The following MDM2 variants were observed in gnomAD, a reference collection of about 807,000 sequenced individuals.
MDM2 encodes the protein MDM2 proto-oncogene, also known as E3 ubiquitin-protein ligase Mdm2.
In MDM2, 11 loss-of-function variants were observed where a neutral mutation model predicts 64.3. The ratio of observed to expected loss-of-function variants is 0.17; its 90% CI spans 0.11 to 0.28. The LOEUF (loss-of-function observed/expected upper bound fraction) is 0.28, where lower values mean the gene tolerates loss of function less well. Among genes scored for constraint, MDM2 ranks in the 10% least tolerant of loss-of-function variants. MDM2 has a pLI of 1.00. For missense variants in MDM2, 388 were observed against 577.1 expected, an observed-to-expected ratio of 0.67 and a Z score of 3.36; for synonymous variants, 194 against 192.9, an observed-to-expected ratio of 1.01 and a Z score of -0.05.
intron 8 of MDM2, among the ~76,000 whole-genome samples, chr12:68,832,509 A>T (rs143203577): frequency 1.4e-3 from 213 of 152,148 alleles, no homozygotes; most frequent in Non-Finnish European, 2.4e-3. Flanking sequence ...TGCTTAAAAA[A>T]ATATATATTT....
At position 68,840,284 on chromosome 12, in the gene MDM2, A is replaced by G. The variant is rs1051177607; in HGVS notation, c.*435A>G. 11 of 178,788 alleles carry G rather than the reference A, an allele frequency of 6.2e-5. No individual in the cohort carries two copies. The highest frequency in any genetic ancestry group is 1.2e-4 in the Non-Finnish European group (10 of 84,696). 11.1% of individuals were successfully genotyped at this position (178,788 alleles called of 1,614,324 possible). A position where few individuals can be genotyped will look rare whatever the true frequency, so the allele number is the denominator to read the frequency against. On this transcript the variant is annotated 3_prime_UTR_variant, in exon 11 of 11. Coordinates refer to ENST00000258149, the MANE Select transcript of MDM2 (RefSeq NM_002392.6). ...CTCAGCCTCCCAATTAGCTTGGCCT[A>G]CAGTCATCTGCCACCACACCTGGCT...
Position 68,840,754 on chromosome 12 carries a change from G to A in MDM2, c.*905G>A, listed in dbSNP as rs1402974618. The A allele has an allele frequency of 3.2e-5, 5 of 158,332 alleles. No homozygotes were observed. The highest frequency in any genetic ancestry group is 1.4e-4 in the Admixed American group (2 of 14,744). 9.8% of individuals were successfully genotyped at this position (158,332 alleles called of 1,614,324 possible). ...CTCCTGACCTCAAGTGAGGTCACCC[G>A]CCTCGGCCTCCCGAAGTGCTGGGAT... On this transcript the variant is annotated 3_prime_UTR_variant, in exon 11 of 11. Transcript: ENST00000258149.
intron 1 of MDM2, 80 bp from the exon 2 acceptor site, chr12:68,809,128 T>G (rs1432890283): frequency 6.3e-7 from 1 of 1,578,642 alleles, no homozygotes; most frequent in African/African-American, 1.4e-5. Context: ...TAACTGTTGT[T>G]TATGTTCTTT....
In MDM2 at chr12:68,816,797, A is replaced by G. The variant is rs748461643; in HGVS notation, c.175-15A>G. 5 of 1,565,556 alleles carry G rather than the reference A, an allele frequency of 3.2e-6. No homozygotes were observed. The highest frequency in any genetic ancestry group is 2.6e-6 in the Non-Finnish European group (3 of 1,157,524). On this transcript the variant is annotated splice_polypyrimidine_tract_variant and intron_variant, in intron 3 of 10. Transcript: ENST00000258149. ...TAGTTTTCTTTAATGCTCAGAAATC[A>G]TATTTGTATTTCAGGTTCTTTTTTA...
In MDM2 at chr12:68,841,100, C is replaced by G. The variant is rs1348104158; in HGVS notation, c.*1251C>G. On this transcript the variant is annotated 3_prime_UTR_variant, in exon 11 of 11. Transcript: ENST00000258149. ...AACTCAAGTGATCTACTCACCTCAG[C>G]CTCCCAAAATGCTGGGATTACAGAT... is the stretch of plus-strand genomic sequence containing the variant. The G allele has an allele frequency of 5.3e-6, 1 of 188,424 alleles. No homozygotes were observed. Among genetic ancestry groups the G allele is most frequent in the Non-Finnish European group, 1.1e-5 (1 of 89,638 alleles). 11.7% of individuals were successfully genotyped at this position (188,424 alleles called of 1,614,324 possible).
intron 5 of MDM2, 34 bp downstream of exon 5, chr12:68,820,408 AT>A: frequency 6.5e-7 from 1 of 1,533,958 alleles, no homozygotes; most frequent in South Asian, 1.2e-5. Flanking sequence ...GATAAATACC[AT>A]AAAAACGTTT....
chr12:68,842,276 C>T lies in MDM2; in HGVS notation c.*2427C>T, dbSNP rs1203808428. 8.1e-6 allele frequency: 4 copies of T among 496,582 alleles called. No individual in the cohort carries two copies. Among genetic ancestry groups the T allele is most frequent in the East Asian group, 9.4e-5 (2 of 21,374 alleles). The allele number at this position is 496,582 out of a possible 1,614,324, so 30.8% of individuals were successfully genotyped here. A position where few individuals can be genotyped will look rare whatever the true frequency, so the allele number is the denominator to read the frequency against. The stretch of plus-strand genomic sequence containing the variant: ...AAGGACTACGGAAAGTTCAGGACAT[C>T]AAAGAAGTCAGGCAAAACTCATCTT... On this transcript the variant is annotated 3_prime_UTR_variant, in exon 11 of 11. Coordinates refer to ENST00000258149, the MANE Select transcript of MDM2 (RefSeq NM_002392.6).
intron 5 of MDM2, among the ~76,000 whole-genome samples, chr12:68,820,676 A>AT (rs915694512): frequency 1.3e-5 from 2 of 152,330 alleles, no homozygotes; most frequent in Admixed American, 1.3e-4. Flanking sequence ...TTGAAAATGT[A>AT]TTGAAAGGCT....
chr12:68,836,815 C>T, intron 10 of MDM2, 66 bp downstream of exon 10: 1 of 948,468 alleles, frequency 1.1e-6, no homozygotes, highest in South Asian at 1.4e-5. Flanking sequence ...GAGACTATAT[C>T]TAGCTTCTTT....
Position 68,835,989 on chromosome 12 carries a change from T to C in MDM2, c.840+5T>C. The C allele has an allele frequency of 7.5e-6, 12 of 1,591,330 alleles. No individual in the cohort carries two copies. Among genetic ancestry groups the C allele is most frequent in the Non-Finnish European group, 1.0e-5 (12 of 1,169,524 alleles). ...CTCTCAGATGAAGATGATGAGGTAG[T>C]ATTTTTTTTCCCCTCTAATTATATT... On this transcript the variant is annotated splice_donor_5th_base_variant and intron_variant, in intron 9 of 10. Coordinates refer to ENST00000258149, the MANE Select transcript of MDM2 (RefSeq NM_002392.6).
chr12:68,818,513 T>G (rs1219867311), intron 4 of MDM2, among the ~76,000 whole-genome samples: 2 of 148,814 alleles, frequency 1.3e-5, no homozygotes, highest in Non-Finnish European at 3.0e-5. Flanking sequence ...TTAAATTTCA[T>G]CTAGCTTCTT....
intron 3 of MDM2, chr12:68,814,554 ATT>A: frequency 8.8e-6 from 3 of 339,910 alleles, no homozygotes; most frequent in South Asian, 4.6e-5. Context: ...TAAGAATAGA[ATT>A]TTTTTTTTCC....
rs549820222 is a variant in MDM2 at position 68,821,307 on chromosome 12, A to G, written c.358+933A>G. ...GTGATCTGCCTGCCTCGGCCTTCCA[A>G]AGTCCTGGGATTACAGGTATGAGCC... On this transcript the variant is annotated intron_variant, in intron 5 of 10. Coordinates refer to ENST00000258149, the MANE Select transcript of MDM2 (RefSeq NM_002392.6). Among the ~76,000 whole-genome samples, 8 of 152,010 alleles carry G rather than the reference A, an allele frequency of 5.3e-5. No homozygotes were observed. The East Asian group carries it at 1.5e-3, about 29-fold the overall frequency.
At chr12:68,835,072 A>G (rs3730633) in intron 8 of MDM2, among the ~76,000 whole-genome samples, 301 of 152,338 alleles carry the variant, frequency 2.0e-3, no homozygotes, top group African/African-American at 6.9e-3. Context: ...AAAAAAACCC[A>G]TAAGTATTAC....
chr12:68,842,731 C>T lies in MDM2; in HGVS notation c.*2882C>T, dbSNP rs1233505871. On this transcript the variant is annotated 3_prime_UTR_variant, in exon 11 of 11. Coordinates refer to ENST00000258149, the MANE Select transcript of MDM2 (RefSeq NM_002392.6). Reference sequence around the variant, plus strand: ...AATTTTCTTTGCAGTAAAATATGCCCTTTATTATAGAAGGGAGGATATAAG... The same window carrying T: ...AATTTTCTTTGCAGTAAAATATGCCTTTTATTATAGAAGGGAGGATATAAG... 1.0e-5 allele frequency: 2 copies of T among 195,322 alleles called. No individual in the cohort carries two copies. Among genetic ancestry groups the T allele is most frequent in the Non-Finnish European group, 2.1e-5 (2 of 93,060 alleles). 12.1% of individuals were successfully genotyped at this position (195,322 alleles called of 1,614,324 possible).
intron 8 of MDM2, among the ~76,000 whole-genome samples, chr12:68,829,143 G>T (rs1882591537): frequency 6.6e-6 from 1 of 152,140 alleles, no homozygotes; most frequent in African/African-American, 2.4e-5. Flanking sequence ...GAGTAACACC[G>T]GTATTGGTAA....
chr12:68,828,316 T>C (rs1431262013), intron 7 of MDM2: 1 of 153,522 alleles, frequency 6.5e-6, no homozygotes, highest in Non-Finnish European at 1.5e-5. Context: ...TAAATTGTGA[T>C]GTATGGAGAT....
intron 3 of MDM2, among the ~76,000 whole-genome samples, chr12:68,815,457 T>TTTTTA (rs1437670839): frequency 1.4e-5 from 2 of 147,784 alleles, no homozygotes; most frequent in African/African-American, 5.0e-5. Context: ...TTTTTTTTTT[T>TTTTTA]ATGTGACAGT....
chr12:68,849,588 T>C (rs1395894986), downstream of MDM2: 1 of 151,798 alleles, frequency 6.6e-6, no homozygotes, highest in Non-Finnish European at 1.5e-5. Flanking sequence ...TTTTGTATTT[T>C]TAGTAGAGAC....
Sources: gnomAD v4.1 joint callset for allele counts (sites outside exome capture counted in the v4.1 genomes callset) on GRCh38, gnomAD v4.1.1 for gene constraint, MANE v1.5 for transcripts, NCBI Gene and HGNC (gene_info 2026-07-23, HGNC 2026-07-21) for gene names.